TARS3: variants seen among roughly 807,000 people sequenced by gnomAD.
The protein encoded by TARS3 is threonyl-tRNA synthetase 3.
TARS3 carries 94 observed loss-of-function variants against 103.5 expected under a neutral mutation model. The ratio of observed to expected loss-of-function variants is 0.91; its 90% CI spans 0.77 to 1.08. The LOEUF is 1.08. Ranked by LOEUF, TARS3 falls within the 50% of genes least tolerant of loss-of-function variation. The pLI, the probability that TARS3 is intolerant of heterozygous loss-of-function variation, is 0.00. For missense variants in TARS3, 952 were observed against 995.2 expected, an observed-to-expected ratio of 0.96 and a Z score of 0.58; for synonymous variants, 416 against 355.4, an observed-to-expected ratio of 1.17 and a Z score of -1.92.
At chr15:101,708,991 G>A in intron 5 of TARS3, 81 bp from the exon 6 acceptor site, 1 of 925,218 alleles carries the variant, frequency 1.1e-6, no homozygotes, top group African/African-American at 1.7e-5. Flanking sequence ...AGCCTCAGCA[G>A]CCATAAATTT....
chr15:101,682,302 C>T (rs1018388421), intron 12 of TARS3, among the ~76,000 whole-genome samples: 1 of 152,152 alleles, frequency 6.6e-6, no homozygotes, highest in Admixed American at 6.5e-5. Context: ...AAGTTCCCTT[C>T]CATTCCTAGT....
In TARS3 at chr15:101,671,704, C is replaced by A. The variant is rs1193332973; in HGVS notation, c.1833G>T (p.Met611Ile). 6.2e-6 allele frequency: 10 copies of A among 1,614,082 alleles called. No individual in the cohort carries two copies. The highest frequency in any genetic ancestry group is 7.6e-6 in the Non-Finnish European group (9 of 1,179,992). The change falls in exon 14 of 19, where the codon ATG (methionine) becomes ATT (isoleucine). Residue 611 changes from methionine to isoleucine, a missense_variant. Around this residue, in one of 2 missense-constraint regions of TARS3, gnomAD observed 540 missense variants for 631.0 expected, o/e 0.86. Transcript: ENST00000335968. ...CATAAAATGCTCCATCTCCTGGGTT[C>A]ATTTTCCACGGTTCTCCAAAGTCCA... ...SLMDFGEPWKMNPGDGAFYGP... is the reference protein window; with the variant it reads ...SLMDFGEPWKINPGDGAFYGP...
chr15:101,700,951 CT>C (rs1899241767), intron 10 of TARS3, 134 bp downstream of exon 10: 2 of 618,004 alleles, frequency 3.2e-6, no homozygotes, highest in Non-Finnish European at 5.4e-6. Context: ...CAGTATCTCA[CT>C]TTTAACCTCA....
At chr15:101,705,090 A>G (rs1240645126) in intron 7 of TARS3, among the ~76,000 whole-genome samples, 3 of 152,240 alleles carry the variant, frequency 2.0e-5, no homozygotes, top group Admixed American at 1.3e-4. Flanking sequence ...AATGACATAT[A>G]AGGCGTATAC....
At chr15:101,701,780 CTCTT>C (rs1336681500) in intron 9 of TARS3, among the ~76,000 whole-genome samples, 2 of 152,034 alleles carry the variant, frequency 1.3e-5, no homozygotes, top group African/African-American at 4.8e-5. Flanking sequence ...TAAAAAACAA[CTCTT>C]TTTTTTTTTG....
intron 10 of TARS3, among the ~76,000 whole-genome samples, chr15:101,689,477 T>G (rs1275833673): frequency 6.6e-6 from 1 of 151,984 alleles, no homozygotes; most frequent in Non-Finnish European, 1.5e-5. Flanking sequence ...ATGAGATCAT[T>G]AGGGTAGATC....
intron 10 of TARS3, among the ~76,000 whole-genome samples, chr15:101,692,122 G>C (rs1437859764): frequency 6.6e-6 from 1 of 152,244 alleles, no homozygotes; most frequent in Non-Finnish European, 1.5e-5. Context: ...GATTGGGTCT[G>C]ACCAATGGGA....
At chr15:101,714,389 A>G (rs1299486189) in intron 4 of TARS3, among the ~76,000 whole-genome samples, 1 of 152,134 alleles carries the variant, frequency 6.6e-6, no homozygotes, top group Non-Finnish European at 1.5e-5. Context: ...ATACTGCTCG[A>G]GCCCAGGAGT....
intron 10 of TARS3, 67 bp downstream of exon 10, chr15:101,701,019 A>G (rs559963850): frequency 4.9e-5 from 53 of 1,079,534 alleles, no homozygotes; most frequent in Middle Eastern, 2.5e-4. Context: ...CCACTTTATT[A>G]TGAGAGAAAA....
intron 12 of TARS3, among the ~76,000 whole-genome samples, chr15:101,683,546 GGT>G (rs1898340446): frequency 6.6e-6 from 1 of 152,038 alleles, no homozygotes; most frequent in South Asian, 2.1e-4. Flanking sequence ...GTGATGACTG[GGT>G]GTACACACAT....
intron 18 of TARS3, chr15:101,655,885 G>C: frequency 7.8e-7 from 1 of 1,287,656 alleles, no homozygotes; most frequent in Non-Finnish European, 1.0e-6. Context: ...CCAAGGAGTG[G>C]ACACCAGACC....
intron 2 of TARS3, 138 bp from the exon 3 acceptor site, chr15:101,721,460 G>T: frequency 1.6e-6 from 1 of 616,820 alleles, no homozygotes; most frequent in South Asian, 2.8e-5. Context: ...TTTGAATTAC[G>T]ATTTTGTTGT....
At position 101,653,901 on chromosome 15, in the gene TARS3, G is replaced by A. The variant is rs1897101648; in HGVS notation, c.*681C>T. On this transcript the variant is annotated 3_prime_UTR_variant, in exon 19 of 19. Coordinates refer to ENST00000335968, the MANE Select transcript of TARS3 (RefSeq NM_152334.3). ...ACAACTCTAGGTGAGCGGCTTAGTG[G>A]TGGTAGAAGCCCACAGCTGAAACGC... The A allele has an allele frequency of 6.6e-6, 1 of 152,242 alleles. No individual in the cohort carries two copies. The allele number at this position is 152,242 out of a possible 1,614,324, so 9.4% of individuals were successfully genotyped here.
chr15:101,662,936 C>T (rs1167988052), intron 15 of TARS3, among the ~76,000 whole-genome samples: 2 of 152,136 alleles, frequency 1.3e-5, no homozygotes, highest in East Asian at 1.9e-4. Flanking sequence ...CCCAAAATAA[C>T]CCCAGTGGAT....
chr15:101,672,215 C>T (rs537977524), intron 13 of TARS3, among the ~76,000 whole-genome samples: 20 of 152,126 alleles, frequency 1.3e-4, no homozygotes, highest in Non-Finnish European at 2.4e-4. Flanking sequence ...TTTCCTTCAC[C>T]TCTGCACGTG....
rs1013616691 is a variant in TARS3 at position 101,701,139 on chromosome 15, A to C, written c.1267T>G (p.Phe423Val). The change falls in exon 10 of 19, where the codon TTT becomes GTT. Residue 423 changes from phenylalanine to valine, a missense_variant. By Grantham distance (50) the Phe-to-Val change is conservative. Transcript: ENST00000335968. Reference protein sequence around the residue: ...FFHDLSPGSCFFLPRGAFIYN... With the variant: ...FFHDLSPGSCVFLPRGAFIYN... ...ATGAAGGCTCCTCTGGGAAGGAAAA[A>C]ACAGCTTCCAGGACTCAAATCGTGG... The C allele has an allele frequency of 1.8e-5, 29 of 1,599,490 alleles. No individual in the cohort carries two copies. Among genetic ancestry groups the C allele is most frequent in the Non-Finnish European group, 1.4e-5 (16 of 1,176,116 alleles).
intron 4 of TARS3, among the ~76,000 whole-genome samples, chr15:101,713,454 T>C (rs571620675): frequency 1.3e-5 from 2 of 152,188 alleles, no homozygotes; most frequent in African/African-American, 4.8e-5. Context: ...TCGATGGGAA[T>C]GAATTTCAGG....
chr15:101,665,256 A>G (rs573598358), intron 15 of TARS3, among the ~76,000 whole-genome samples: 5 of 152,382 alleles, frequency 3.3e-5, no homozygotes, highest in South Asian at 4.1e-4. Flanking sequence ...ATAGACTTGA[A>G]TAAGTCCACA....
At chr15:101,696,093 T>A (rs1898961575) in intron 10 of TARS3, 1 of 150,598 alleles carries the variant, frequency 6.6e-6, no homozygotes, top group African/African-American at 2.5e-5. Flanking sequence ...GCGCCTGTAG[T>A]CCCAGCTACT....
Sources: allele counts gnomAD v4.1 joint callset (sites outside exome capture counted in the v4.1 genomes callset), GRCh38; gene constraint gnomAD v4.1.1; regional missense constraint gnomAD v4.1.1; transcripts MANE v1.5; gene names NCBI Gene and HGNC (gene_info 2026-07-23, HGNC 2026-07-21).